CNIH3: variants seen among roughly 807,000 people sequenced by gnomAD.
CNIH3 encodes the protein cornichon family AMPA receptor auxiliary protein 3.
In CNIH3, 14 loss-of-function variants were observed where a neutral mutation model predicts 24.1. The ratio of observed to expected loss-of-function variants is 0.58; its 90% CI spans 0.38 to 0.91. The LOEUF (loss-of-function observed/expected upper bound fraction) is 0.91, where lower values mean the gene tolerates loss of function less well. Ranked by LOEUF, CNIH3 falls within the 40% of genes least tolerant of loss-of-function variation. The pLI, the probability that CNIH3 is intolerant of heterozygous loss-of-function variation, is 0.00. For synonymous variants in CNIH3, 68 were observed against 73.8 expected (o/e 0.92, Z 0.40); for missense variants, 178 against 196.8 (o/e 0.90, Z 0.57).
rs116370760 is a variant in CNIH3, at chr1:224,682,804, C to T, written c.150+1778C>T. 5.8e-3 allele frequency among the ~76,000 whole-genome samples: 879 copies of T among 152,338 alleles called. 7 individuals are homozygous for T. The highest frequency in any genetic ancestry group is 0.02 in the African/African-American group (829 of 41,574). On this transcript the variant is annotated intron_variant, in intron 2 of 5. Transcript: ENST00000272133. Reference sequence around the variant, plus strand: ...AGACAAGAACCTACTTTCCTTCCTTCTAATTGTTTGGGCTCAAATTAATAG... The same window carrying T: ...AGACAAGAACCTACTTTCCTTCCTTTTAATTGTTTGGGCTCAAATTAATAG...
At chr1:224,514,579 C>T (rs1406859353), upstream of CNIH3, among the ~76,000 whole-genome samples, 1 of 152,040 alleles carries the variant, frequency 6.6e-6, no homozygotes, top group African/African-American at 2.4e-5. Flanking sequence ...ACCTGTAATC[C>T]CAGCACTTTG....
At chr1:224,499,162 A>T (rs1236200649) in intron 1 of CNIH3, among the ~76,000 whole-genome samples, 5 of 152,248 alleles carry the variant, frequency 3.3e-5, no homozygotes, top group African/African-American at 9.6e-5. Flanking sequence ...TTAGTTAAAA[A>T]TTTAAATTAA....
chr1:224,499,209 T>C (rs1179114684), intron 1 of CNIH3, among the ~76,000 whole-genome samples: 1 of 152,238 alleles, frequency 6.6e-6, no homozygotes, highest in Non-Finnish European at 1.5e-5. Flanking sequence ...TTTCCTGTTG[T>C]TTGAAGCTTC....
At chr1:224,618,534 A>G (rs1683138013) in intron 1 of CNIH3, among the ~76,000 whole-genome samples, 1 of 152,242 alleles carries the variant, frequency 6.6e-6, no homozygotes, top group African/African-American at 2.4e-5. Flanking sequence ...CAGCTAGAGC[A>G]GCTCCTGCTA....
downstream of CNIH3, among the ~76,000 whole-genome samples, chr1:224,590,421 A>G (rs1262018271): frequency 1.3e-5 from 2 of 152,016 alleles, no homozygotes; most frequent in Non-Finnish European, 2.9e-5. Context: ...TTTCCACTTT[A>G]TCTTAGTTTG....
chr1:224,434,846 C>G, exon 1 of CNIH3: 2 of 985,590 alleles, frequency 2.0e-6, no homozygotes, highest in South Asian at 4.7e-5. Flanking sequence ...GCCCTCCTCA[C>G]TCACTTCCGG....
At chr1:224,556,938 G>A (rs1393018988) in intron 3 of CNIH3, among the ~76,000 whole-genome samples, 2 of 152,154 alleles carry the variant, frequency 1.3e-5, no homozygotes, top group Admixed American at 6.5e-5. Flanking sequence ...TGAATCTGAG[G>A]AGCTCCTGGA....
chr1:224,653,182 G>A (rs1684942062), intron 1 of CNIH3, among the ~76,000 whole-genome samples: 1 of 152,156 alleles, frequency 6.6e-6, no homozygotes, highest in African/African-American at 2.4e-5. Context: ...CAGCACTTTG[G>A]GAGGCTGAGG....
chr1:224,727,753 A>C (rs1216047982), intron 3 of CNIH3, among the ~76,000 whole-genome samples: 1 of 152,178 alleles, frequency 6.6e-6, no homozygotes, highest in African/African-American at 2.4e-5. Flanking sequence ...CAGTGTGTGT[A>C]TCAAAAGGTC....
intron 1 of CNIH3, among the ~76,000 whole-genome samples, chr1:224,467,396 A>G (rs1676191050): frequency 6.6e-6 from 1 of 151,916 alleles, no homozygotes; most frequent in Non-Finnish European, 1.5e-5. Context: ...AAGAGGTCCA[A>G]TTTATCAAGT....
chr1:224,585,652 CTT>C (rs201787338), intron 5 of CNIH3, among the ~76,000 whole-genome samples: 3 of 145,590 alleles, frequency 2.1e-5, no homozygotes, highest in Admixed American at 6.9e-5. Context: ...AATTTAAAAA[CTT>C]TTTTTTTTTT....
chr1:224,637,877 C>T (rs995114665), intron 1 of CNIH3, among the ~76,000 whole-genome samples: 8 of 152,228 alleles, frequency 5.3e-5, no homozygotes, highest in African/African-American at 1.9e-4. Flanking sequence ...CCCAGTCCCC[C>T]TGTCTGGCAC....
intron 5 of CNIH3, among the ~76,000 whole-genome samples, chr1:224,737,815 G>A (rs537978137): frequency 2.6e-5 from 4 of 152,174 alleles, no homozygotes; most frequent in Admixed American, 2.6e-4. Context: ...TGTTTGAACC[G>A]CATGGCACCC....
chr1:224,651,509 T>C (rs940315637), intron 1 of CNIH3, among the ~76,000 whole-genome samples: 1 of 152,232 alleles, frequency 6.6e-6, no homozygotes, highest in Non-Finnish European at 1.5e-5. Flanking sequence ...GGGTTGCCGG[T>C]GTTAGCAACC....
At chr1:224,473,274 A>G (rs10916622) in intron 1 of CNIH3, among the ~76,000 whole-genome samples, 125,330 of 151,714 alleles carry the variant, frequency 0.83, 52,083 homozygotes, top group East Asian at 0.97. Flanking sequence ...GAAATAAGAG[A>G]AGACCATAAA....
chr1:224,504,763 T>G (rs1677824127), intron 1 of CNIH3, among the ~76,000 whole-genome samples: 1 of 152,206 alleles, frequency 6.6e-6, no homozygotes, highest in African/African-American at 2.4e-5. Flanking sequence ...GGGTAAGTAA[T>G]TTAACCTTGC....
At chr1:224,731,686 C>T (rs890707546) in intron 4 of CNIH3, among the ~76,000 whole-genome samples, 2 of 152,190 alleles carry the variant, frequency 1.3e-5, no homozygotes, top group African/African-American at 4.8e-5. Context: ...AACGTACATC[C>T]TAGTGGTGGA....
chr1:224,574,400 G>T, intron 4 of CNIH3: 1 of 502,206 alleles, frequency 2.0e-6, no homozygotes, highest in Non-Finnish European at 3.5e-6. Flanking sequence ...TGAGGTACAT[G>T]GTTCTGGGTG....
chr1:224,649,570 A>G (rs917923606), intron 1 of CNIH3, among the ~76,000 whole-genome samples: 1 of 152,228 alleles, frequency 6.6e-6, no homozygotes, highest in African/African-American at 2.4e-5. Flanking sequence ...AATTTATTGG[A>G]TGAATTATGA....
Sources: gnomAD v4.1 joint callset for allele counts (sites outside exome capture counted in the v4.1 genomes callset) on GRCh38, gnomAD v4.1.1 for gene constraint, MANE v1.5 for transcripts, NCBI Gene and HGNC (gene_info 2026-07-23, HGNC 2026-07-21) for gene names.